The following AFG2A variants were observed in gnomAD, a reference collection of about 807,000 sequenced individuals.
AFG2A encodes AAA ATPase AFG2A.
chr4:122,945,353 C>T, the AFG2A span, among the ~76,000 whole-genome samples: 4 of 152,170 alleles, frequency 2.6e-5, no homozygotes, highest in South Asian at 2.1e-4. Context: ...CAATGGCGGG[C>T]GCCCCTCCCC....
the AFG2A span, among the ~76,000 whole-genome samples, chr4:122,980,401 C>T: frequency 2.0e-5 from 3 of 152,136 alleles, no homozygotes; most frequent in African/African-American, 7.2e-5. Flanking sequence ...TTTCTCTGTT[C>T]ATCTGTTGAG....
At chr4:123,221,753 C>T in the AFG2A span, among the ~76,000 whole-genome samples, 1 of 151,908 alleles carries the variant, frequency 6.6e-6, no homozygotes, top group African/African-American at 2.4e-5. Flanking sequence ...GGTGAAACCC[C>T]GTCTCTACTA....
chr4:123,070,932 T>G, the AFG2A span, among the ~76,000 whole-genome samples: 1 of 152,218 alleles, frequency 6.6e-6, no homozygotes, highest in South Asian at 2.1e-4. Flanking sequence ...CTATAGATTT[T>G]TATTTTTTAT....
chr4:122,933,229 G>A, the AFG2A span, among the ~76,000 whole-genome samples: 1 of 152,164 alleles, frequency 6.6e-6, no homozygotes, highest in Non-Finnish European at 1.5e-5. Flanking sequence ...GGCCACTAAG[G>A]CACCAGATTC....
the AFG2A span, among the ~76,000 whole-genome samples, chr4:123,013,972 TA>T: frequency 6.6e-6 from 1 of 152,204 alleles, no homozygotes; most frequent in Admixed American, 6.5e-5. Context: ...TTTTTACTAT[TA>T]AAAATGATTT....
At chr4:123,314,160 C>A in the AFG2A span, 1 of 1,082,726 alleles carries the variant, frequency 9.2e-7, no homozygotes. Context: ...TTTTACTAGG[C>A]AAAATGTTTG....
the AFG2A span, among the ~76,000 whole-genome samples, chr4:123,126,777 T>C: frequency 1.3e-5 from 2 of 152,088 alleles, no homozygotes; most frequent in African/African-American, 2.4e-5. Context: ...AAACTATGAG[T>C]CAATTAAACT....
chr4:123,056,395 A>C, the AFG2A span: 32 of 1,612,290 alleles, frequency 2.0e-5, no homozygotes, highest in South Asian at 2.9e-4. Flanking sequence ...AGGGGCCTGA[A>C]TTAATGAATA....
chr4:123,314,308 T>C, the AFG2A span: 1 of 287,424 alleles, frequency 3.5e-6, no homozygotes, highest in African/African-American at 2.2e-5. Flanking sequence ...AACAAATGTT[T>C]AGCTTTTTCA....
the AFG2A span, among the ~76,000 whole-genome samples, chr4:123,061,607 GC>G: frequency 6.6e-6 from 1 of 152,172 alleles, no homozygotes; most frequent in East Asian, 1.9e-4. Flanking sequence ...ACCTGGCCCT[GC>G]CCTTGACACA....
chr4:123,046,112 A>G, the AFG2A span, among the ~76,000 whole-genome samples: 2 of 151,886 alleles, frequency 1.3e-5, no homozygotes, highest in African/African-American at 4.8e-5. Flanking sequence ...AAAAAAAGAA[A>G]GAAAGAAAAA....
At chr4:123,013,602 G>C in the AFG2A span, among the ~76,000 whole-genome samples, 2 of 152,088 alleles carry the variant, frequency 1.3e-5, no homozygotes, top group African/African-American at 4.8e-5. Context: ...GTCGGGGTTG[G>C]GGGGCAAGGG....
chr4:123,109,665 G>A, the AFG2A span, among the ~76,000 whole-genome samples: 1 of 151,958 alleles, frequency 6.6e-6, no homozygotes, highest in Non-Finnish European at 1.5e-5. Flanking sequence ...CTACTCAGCT[G>A]TTTTTTTCTG....
At chr4:122,924,121 T>G in the AFG2A span, among the ~76,000 whole-genome samples, 2 of 152,240 alleles carry the variant, frequency 1.3e-5, no homozygotes, top group Non-Finnish European at 2.9e-5. Flanking sequence ...GTTCACATGG[T>G]ATTTTCACTC....
the AFG2A span, among the ~76,000 whole-genome samples, chr4:123,115,930 T>C: frequency 6.6e-6 from 1 of 152,198 alleles, no homozygotes; most frequent in Admixed American, 6.5e-5. Context: ...GACAGAGTCT[T>C]GTTCCATCTC....
the AFG2A span, among the ~76,000 whole-genome samples, chr4:123,305,949 G>T: frequency 6.6e-6 from 1 of 152,288 alleles, no homozygotes; most frequent in Non-Finnish European, 1.5e-5. Flanking sequence ...TAAAAGTGAG[G>T]TAATTAGATT....
At chr4:123,198,137 TG>T in the AFG2A span, among the ~76,000 whole-genome samples, 18 of 151,538 alleles carry the variant, frequency 1.2e-4, no homozygotes. Context: ...GGCATGGTGG[TG>T]GGTGCCTGTA....
At chr4:123,130,883 G>A in the AFG2A span, among the ~76,000 whole-genome samples, 3 of 151,898 alleles carry the variant, frequency 2.0e-5, no homozygotes, top group Non-Finnish European at 2.9e-5. Flanking sequence ...CAATATATGA[G>A]CATTCCAGGT....
the AFG2A span, among the ~76,000 whole-genome samples, chr4:123,000,898 C>T: frequency 1.1e-5 from 1 of 92,534 alleles, no homozygotes. Context: ...CCTCCTTGTA[C>T]CTCTGGTAGA....
Sources: gnomAD v4.1 joint callset for allele counts (sites outside exome capture counted in the v4.1 genomes callset) on GRCh38, gnomAD v4.1.1 for gene constraint, MANE v1.5 for transcripts, NCBI Gene and HGNC (gene_info 2026-07-23, HGNC 2026-07-21) for gene names.